BAIAP2: variants seen among roughly 807,000 people sequenced by gnomAD.
BAIAP2 encodes BAR/IMD domain-containing adapter protein 2.
In BAIAP2, 18 loss-of-function variants were observed where a neutral mutation model predicts 63.0. The ratio of observed to expected loss-of-function variants is 0.29; its 90% CI spans 0.20 to 0.42. The LOEUF (loss-of-function observed/expected upper bound fraction) is 0.42, where lower values mean the gene tolerates loss of function less well. Among genes scored for constraint, BAIAP2 ranks in the 10% least tolerant of loss-of-function variants. The probability of loss-of-function intolerance (pLI) is 1.00; values close to 1 mark genes in which losing one functional copy is unlikely to be tolerated. For missense variants in BAIAP2, 610 were observed against 734.3 expected (o/e 0.83, Z 1.96); for synonymous variants, 386 against 307.6 (o/e 1.25, Z -2.67).
chr17:81,078,229 T>G (rs2054009423), intron 3 of BAIAP2, among the ~76,000 whole-genome samples: 1 of 114,812 alleles, frequency 8.7e-6, no homozygotes, highest in African/African-American at 3.3e-5. Flanking sequence ...CGGAGCTGGG[T>G]GCTGTGGGTA....
intron 1 of BAIAP2, chr17:81,036,938 T>C (rs892576568): frequency 1.0e-5 from 16 of 1,535,830 alleles, no homozygotes; most frequent in African/African-American, 2.7e-5. Context: ...AAGCAGGAAC[T>C]TTCGTGGTGA....
chr17:81,080,369 C>T lies in BAIAP2; in HGVS notation c.218-4463C>T, dbSNP rs564341821. Reference sequence around the variant, plus strand: ...GCATGGGATGATTTTGTGCAGCCGCCGCTCGAAGCTCAGGGCGGGCACACG... The same window carrying T: ...GCATGGGATGATTTTGTGCAGCCGCTGCTCGAAGCTCAGGGCGGGCACACG... On this transcript the variant is annotated intron_variant, in intron 3 of 13. Coordinates refer to ENST00000428708, the MANE Select transcript of BAIAP2 (RefSeq NM_001144888.2). 2.0e-5 allele frequency among the ~76,000 whole-genome samples: 3 copies of T among 152,360 alleles called. No individual in the cohort carries two copies. In the South Asian group the frequency reaches 6.2e-4, roughly 32 times the overall value.
chr17:81,104,308 G>T (rs965693088), intron 9 of BAIAP2, among the ~76,000 whole-genome samples, 200 bp downstream of exon 9: 2 of 152,214 alleles, frequency 1.3e-5, no homozygotes, highest in Admixed American at 6.5e-5. Flanking sequence ...CTGGTGCTCA[G>T]TGGGGGCATG....
intron 3 of BAIAP2, among the ~76,000 whole-genome samples, chr17:81,059,409 T>A (rs1258599981): frequency 6.6e-6 from 1 of 152,054 alleles, no homozygotes; most frequent in Non-Finnish European, 1.5e-5. Context: ...GTCTTCAGGG[T>A]TTGGAGAAGG....
intron 6 of BAIAP2, among the ~76,000 whole-genome samples, chr17:81,099,384 C>T (rs1316620985): frequency 6.6e-6 from 1 of 152,140 alleles, no homozygotes; most frequent in Non-Finnish European, 1.5e-5. Flanking sequence ...TCCCTGGGGT[C>T]CTTGGCCACT....
chr17:81,104,973 A>T (rs1261667582), intron 10 of BAIAP2: 1 of 438,030 alleles, frequency 2.3e-6, no homozygotes, highest in Admixed American at 3.8e-5. Flanking sequence ...ATCTCCCCCC[A>T]ACAGCAGGGA....
At chr17:81,068,508 A>G (rs936286394) in intron 3 of BAIAP2, among the ~76,000 whole-genome samples, 3 of 152,174 alleles carry the variant, frequency 2.0e-5, no homozygotes, top group Admixed American at 1.3e-4. Context: ...TGCAGGGCCC[A>G]AACCAGAAGC....
Position 81,115,986 on chromosome 17 carries a change from A to C in BAIAP2, c.*147A>C. 6.7e-7 allele frequency: 1 copy of C among 1,488,972 alleles called. No homozygotes were observed. Among genetic ancestry groups the C allele is most frequent in the Non-Finnish European group, 8.9e-7 (1 of 1,120,002 alleles). 92.2% of individuals were successfully genotyped at this position (1,488,972 alleles called of 1,614,324 possible). A position where few individuals can be genotyped will look rare whatever the true frequency, so the allele number is the denominator to read the frequency against. On this transcript the variant is annotated 3_prime_UTR_variant, in exon 14 of 14. Coordinates refer to ENST00000428708, the MANE Select transcript of BAIAP2 (RefSeq NM_001144888.2). ...CCCACTTGAGTCTGGCCTGGACTGGATCCCAGCTGTTCTAGGCAGGGCCGG... is the reference window on the plus strand; with the variant it reads ...CCCACTTGAGTCTGGCCTGGACTGGCTCCCAGCTGTTCTAGGCAGGGCCGG...
At chr17:81,047,933 G>A (rs1235341042) in intron 1 of BAIAP2, among the ~76,000 whole-genome samples, 1 of 152,256 alleles carries the variant, frequency 6.6e-6, no homozygotes, top group Non-Finnish European at 1.5e-5. Context: ...GGCCCTAGGG[G>A]TGTGGCCATA....
chr17:81,099,741 G>T (rs1355838754), intron 6 of BAIAP2, among the ~76,000 whole-genome samples, 187 bp from the exon 7 acceptor site: 1 of 152,186 alleles, frequency 6.6e-6, no homozygotes, highest in African/African-American at 2.4e-5. Context: ...CTCCTGAGTG[G>T]TCCCGGGGTA....
chr17:81,052,226 T>C (rs766780547), intron 1 of BAIAP2, among the ~76,000 whole-genome samples: 3 of 152,240 alleles, frequency 2.0e-5, no homozygotes, highest in African/African-American at 4.8e-5. Context: ...TGGAAAGTGC[T>C]TCCCTGCCTG....
rs1265141870 is a variant in BAIAP2 at position 81,092,401 on chromosome 17, C to G, written c.489+5821C>G. On this transcript the variant is annotated intron_variant, in intron 6 of 13. Transcript: ENST00000428708. ...AAACAGGGACACACCACACCAGGCC[C>G]TGGGGGCAGAGGTGGGGCTGCAGGG... 3.3e-5 allele frequency among the ~76,000 whole-genome samples: 5 copies of G among 152,334 alleles called. No individual in the cohort carries two copies. In the East Asian group the frequency reaches 9.6e-4, roughly 29 times the overall value.
At chr17:81,056,755 A>G (rs2049639367) in intron 2 of BAIAP2, among the ~76,000 whole-genome samples, 1 of 152,086 alleles carries the variant, frequency 6.6e-6, no homozygotes, top group African/African-American at 2.4e-5. Flanking sequence ...TCCAGGCAGC[A>G]CCGCCACCTT....
chr17:81,103,725 TGA>T lies in BAIAP2; in HGVS notation c.864+4_864+5del. 6.3e-7 allele frequency: 1 copy of T among 1,589,138 alleles called. No individual in the cohort carries two copies. The highest frequency in any genetic ancestry group is 8.6e-7 in the Non-Finnish European group (1 of 1,169,346). On this transcript the variant is annotated splice_donor_region_variant and intron_variant, in intron 8 of 13. Transcript: ENST00000428708. ...CCCGAGCTGGCACCGTTCGTGGGGG[TGA>T]GTCTGTGGCCTCTGGAAAGCTTCAC...
intron 3 of BAIAP2, among the ~76,000 whole-genome samples, chr17:81,065,941 T>C (rs1046338302): frequency 1.3e-5 from 2 of 152,224 alleles, no homozygotes; most frequent in Admixed American, 6.5e-5. Context: ...TGAGGGGGGC[T>C]GTCATTGCAG....
intron 13 of BAIAP2, chr17:81,109,347 A>C: frequency 4.5e-6 from 5 of 1,117,912 alleles, no homozygotes; most frequent in Non-Finnish European, 5.5e-6. Context: ...AGCCAGGTCT[A>C]AAGTTTGAAG....
chr17:81,077,008 CATGG>C (rs1355850605), intron 3 of BAIAP2, among the ~76,000 whole-genome samples: 1 of 152,002 alleles, frequency 6.6e-6, no homozygotes, highest in Non-Finnish European at 1.5e-5. Flanking sequence ...CAGGCTGCAC[CATGG>C]ATGGAGCTTG....
chr17:81,078,665 C>T (rs1472715197), intron 3 of BAIAP2, among the ~76,000 whole-genome samples: 1 of 151,400 alleles, frequency 6.6e-6, no homozygotes, highest in Non-Finnish European at 1.5e-5. Flanking sequence ...GCTGTGGGTG[C>T]GGGTGCTGTC....
chr17:81,057,984 CCCCCCG>C lies in BAIAP2; in HGVS notation c.217+20_217+25del. On this transcript the variant is annotated intron_variant, in intron 3 of 13. Coordinates refer to ENST00000428708, the MANE Select transcript of BAIAP2 (RefSeq NM_001144888.2). ...AAGAACTCGGTGAGACCCCCCCCCCCCCCCCGCCTGGTAGTCGCCTGATGCCCTCAG... is the reference window on the plus strand; with the variant it reads ...AAGAACTCGGTGAGACCCCCCCCCCCCCTGGTAGTCGCCTGATGCCCTCAG... The C allele has an allele frequency of 2.5e-6, 3 of 1,216,160 alleles. No homozygotes were observed. The highest frequency in any genetic ancestry group is 1.6e-5 in the South Asian group (1 of 63,066). 75.3% of individuals were successfully genotyped at this position (1,216,160 alleles called of 1,614,324 possible).
Sources: allele counts gnomAD v4.1 joint callset (sites outside exome capture counted in the v4.1 genomes callset), GRCh38; gene constraint gnomAD v4.1.1; transcripts MANE v1.5; gene names NCBI Gene and HGNC (gene_info 2026-07-23, HGNC 2026-07-21).